Variants in RAET1E observed in about 807,000 individuals in gnomAD.
The protein encoded by RAET1E is retinoic acid early transcript 1E.
A neutral mutation model predicts 21.1 loss-of-function variants in RAET1E; 27 were observed. The ratio of observed to expected loss-of-function variants is 1.28; its 90% CI spans 0.94 to 1.76. The LOEUF (loss-of-function observed/expected upper bound fraction) is 1.76, where lower values mean the gene tolerates loss of function less well. Among genes scored for constraint, RAET1E ranks in the 40% most tolerant of loss-of-function variants. The probability of loss-of-function intolerance (pLI) is 0.00; values close to 1 mark genes in which losing one functional copy is unlikely to be tolerated. For synonymous variants in RAET1E, 113 were observed against 115.0 expected (o/e 0.98, Z 0.11); for missense variants, 310 against 311.3 (o/e 1.00, Z 0.03).
chr6:149,897,214 G>A (rs530527609), intron 1 of RAET1E, among the ~76,000 whole-genome samples: 1 of 151,854 alleles, frequency 6.6e-6, no homozygotes, highest in Admixed American at 6.6e-5. Flanking sequence ...TAAATTTTTG[G>A]TGTGGAGATG....
At position 149,888,519 on chromosome 6, in the gene RAET1E, G is replaced by A. The variant is rs1777710839; in HGVS notation, c.771C>T (p.Leu257=). 1 of 1,613,454 alleles carries A rather than the reference G, an allele frequency of 6.2e-7. No individual in the cohort carries two copies. The highest frequency in any genetic ancestry group is 1.3e-5 in the African/African-American group (1 of 74,866). The part of the protein sequence containing the change: ...WWQNGEWQAG[L]WPLRTS ...CAGACTAAGACGTCCTCAAGGGCCA[G>A]AGACCAGCCTGCCACTCACCATTTT... Residue 257 remains leucine (L), a synonymous_variant, in exon 6 of 6, where the codon CTC becomes CTT. Coordinates refer to ENST00000357183, the MANE Select transcript of RAET1E (RefSeq NM_001394057.1).
At chr6:149,896,991 A>G (rs934202050) in intron 1 of RAET1E, among the ~76,000 whole-genome samples, 5 of 152,158 alleles carry the variant, frequency 3.3e-5, no homozygotes, top group Admixed American at 2.6e-4. Context: ...GCTTCAGGCA[A>G]TGGTTTCAAA....
intron 3 of RAET1E, 72 bp downstream of exon 3, chr6:149,890,745 C>A (rs1462204524): frequency 1.7e-5 from 17 of 1,005,924 alleles, no homozygotes; most frequent in Non-Finnish European, 2.5e-5. Context: ...CTGCATGAAG[C>A]CCCATTCGCC....
Position 149,892,412 on chromosome 6 carries a change from A to T in RAET1E, c.-133-1378T>A, listed in dbSNP as rs1002817990. Among the ~76,000 whole-genome samples, 7 of 152,248 alleles carry T rather than the reference A, an allele frequency of 4.6e-5. No individual in the cohort carries two copies. In the South Asian group the frequency reaches 6.2e-4, roughly 14 times the overall value. ...AATGAACGTCATTCTAACTGGCGTG[A>T]GATGGTATCTCATTGTGGTTTTGAT... On this transcript the variant is annotated intron_variant, in intron 2 of 5. Coordinates refer to ENST00000357183, the MANE Select transcript of RAET1E (RefSeq NM_001394057.1).
At position 149,884,870 on chromosome 6, in the gene RAET1E, C is replaced by G. The variant is rs1277095514; in HGVS notation, c.*3628G>C. On this transcript the variant is annotated 3_prime_UTR_variant, in exon 6 of 6. Transcript: ENST00000357183. ...TGGCACGACGCCATTTGCCAGGATT[C>G]CTGTGTCAGGGGTGAACCAGAAACC... Among the ~76,000 whole-genome samples, 2 of 152,166 alleles carry G rather than the reference C, an allele frequency of 1.3e-5. No homozygotes were observed. The highest frequency in any genetic ancestry group is 4.8e-5 in the African/African-American group (2 of 41,434).
rs1404243534 is a variant in RAET1E at position 149,884,544 on chromosome 6, G to T, written c.*3954C>A. On this transcript the variant is annotated 3_prime_UTR_variant, in exon 6 of 6. Coordinates refer to ENST00000357183, the MANE Select transcript of RAET1E (RefSeq NM_001394057.1). ...CAAAAGAGTGCAGAACCCTGGGTCA[G>T]ATCAGCTCAGGATTGACCCCTCCGT... The T allele has an allele frequency of 1.3e-6, 2 of 1,531,948 alleles. No homozygotes were observed. The highest frequency in any genetic ancestry group is 4.9e-5 in the East Asian group (2 of 40,852). 94.9% of individuals were successfully genotyped at this position (1,531,948 alleles called of 1,614,324 possible).
In RAET1E at chr6:149,884,561, C is replaced by A; in HGVS notation, c.*3937G>T. Reference sequence around the variant, plus strand: ...CTGGGTCAGATCAGCTCAGGATTGACCCCTCCGTGATCTCTCAGGACTCAG... The same window carrying A: ...CTGGGTCAGATCAGCTCAGGATTGAACCCTCCGTGATCTCTCAGGACTCAG... On this transcript the variant is annotated 3_prime_UTR_variant, in exon 6 of 6. Coordinates refer to ENST00000357183, the MANE Select transcript of RAET1E (RefSeq NM_001394057.1). The A allele has an allele frequency of 6.7e-7, 1 of 1,490,168 alleles. No homozygotes were observed. Among genetic ancestry groups the A allele is most frequent in the Non-Finnish European group, 9.0e-7 (1 of 1,105,572 alleles). The allele number at this position is 1,490,168 out of a possible 1,614,324, so 92.3% of individuals were successfully genotyped here.
At chr6:149,893,022 G>C (rs1298000565) in intron 2 of RAET1E, among the ~76,000 whole-genome samples, 1 of 152,162 alleles carries the variant, frequency 6.6e-6, no homozygotes, top group Non-Finnish European at 1.5e-5. Flanking sequence ...TTGTAGCTGT[G>C]TGGTGTTATT....
intron 4 of RAET1E, 72 bp from the exon 5 acceptor site, chr6:149,889,695 T>C (rs1030537554): frequency 6.4e-7 from 1 of 1,563,020 alleles, no homozygotes; most frequent in African/African-American, 1.4e-5. Flanking sequence ...GGTCAAGTGT[T>C]TCTCTGCACA....
At chr6:149,890,209 C>G in intron 3 of RAET1E, 64 bp from the exon 4 acceptor site, 2 of 1,580,278 alleles carry the variant, frequency 1.3e-6, no homozygotes, top group Admixed American at 3.4e-5. Flanking sequence ...ACCTGCGCTT[C>G]TGTGACCCAA....
intron 3 of RAET1E, 128 bp downstream of exon 3, chr6:149,890,689 T>C: frequency 1.5e-6 from 1 of 669,194 alleles, no homozygotes; most frequent in Non-Finnish European, 2.7e-6. Context: ...CCAGGGATCC[T>C]CTTCCTCACG....
rs914400241 is a variant in RAET1E at position 149,889,838 on chromosome 6, C to T, written c.346+47G>A. The stretch of plus-strand genomic sequence containing the variant: ...CCTCCCCATCTGTGTTCTTCCCTCC[C>T]CTCTCTTACTGCCTGCCTCTGTTTG... On this transcript the variant is annotated intron_variant, in intron 4 of 5. Coordinates refer to ENST00000357183, the MANE Select transcript of RAET1E (RefSeq NM_001394057.1). The T allele has an allele frequency of 3.1e-6, 5 of 1,593,298 alleles. No homozygotes were observed. In the African/African-American group the frequency reaches 5.4e-5, roughly 17 times the overall value.
At chr6:149,891,250 T>A (rs1777880919) in intron 2 of RAET1E, among the ~76,000 whole-genome samples, 1 of 152,132 alleles carries the variant, frequency 6.6e-6, no homozygotes, top group South Asian at 2.1e-4. Flanking sequence ...TCTCCTTTCC[T>A]CCAGTTTCCT....
intron 2 of RAET1E, among the ~76,000 whole-genome samples, chr6:149,892,575 G>GT (rs1336061251): frequency 6.6e-6 from 1 of 151,998 alleles, no homozygotes; most frequent in East Asian, 1.9e-4. Flanking sequence ...TAGTAAATTT[G>GT]TTTAAGTTCT....
chr6:149,890,196 A>C (rs1257008887), intron 3 of RAET1E, 51 bp from the exon 4 acceptor site: 1 of 1,600,014 alleles, frequency 6.2e-7, no homozygotes, highest in Non-Finnish European at 8.5e-7. Context: ...GAGGCCCATT[A>C]GAACCTGCGC....
Position 149,888,653 on chromosome 6 carries a change from C to T in RAET1E, c.637G>A (p.Ala213Thr), listed in dbSNP as rs748898143. 9 of 1,555,376 alleles carry T rather than the reference C, an allele frequency of 5.8e-6. No individual in the cohort carries two copies. The Admixed American group carries it at 1.9e-4, about 33-fold the overall frequency. Residue 213 changes from alanine to threonine, a missense_variant, in exon 6 of 6, where the codon GCT becomes ACT. Coordinates refer to ENST00000357183, the MANE Select transcript of RAET1E (RefSeq NM_001394057.1). ...MPEPTVSPVNASDIHWSSSSL... is the reference protein window; with the variant it reads ...MPEPTVSPVNTSDIHWSSSSL... ...GAAGAAGACCAGTGGATATCTGAAG[C>T]ATTTACTGGTGACACTAAAAAAAAA... is the stretch of plus-strand genomic sequence containing the variant.
At chr6:149,893,971 T>C (rs1457283296) in intron 2 of RAET1E, among the ~76,000 whole-genome samples, 1 of 152,248 alleles carries the variant, frequency 6.6e-6, no homozygotes, top group Non-Finnish European at 1.5e-5. Flanking sequence ...ATGTGGTTTT[T>C]GTCATCGGTT....
intron 3 of RAET1E, among the ~76,000 whole-genome samples, chr6:149,890,478 G>A (rs1414200779): frequency 6.6e-6 from 1 of 152,156 alleles, no homozygotes; most frequent in African/African-American, 2.4e-5. Flanking sequence ...TTAAACTCTA[G>A]CTGAACACAC....
At chr6:149,897,933 G>A (rs757666897) in intron 1 of RAET1E, 88 bp downstream of exon 1, 1 of 140,822 alleles carries the variant, frequency 7.1e-6, no homozygotes, top group African/African-American at 2.7e-5. Context: ...CTCACCACTC[G>A]AGCCCCTGCT....
Sources: gnomAD v4.1 joint callset for allele counts (sites outside exome capture counted in the v4.1 genomes callset) on GRCh38, gnomAD v4.1.1 for gene constraint, MANE v1.5 for transcripts, NCBI Gene and HGNC (gene_info 2026-07-23, HGNC 2026-07-21) for gene names.